The following POLRMT variants were observed in gnomAD, a reference collection of about 807,000 sequenced individuals.
POLRMT encodes DNA-directed RNA polymerase, mitochondrial.
Under a neutral mutation model 132.2 loss-of-function variants are expected in POLRMT, and 114 were observed. That is an observed-to-expected ratio of 0.86 (90% CI 0.74 to 1.01). The LOEUF (loss-of-function observed/expected upper bound fraction) is 1.01. Among genes scored for constraint, POLRMT ranks in the 50% least tolerant of loss-of-function variants. The probability of loss-of-function intolerance (pLI) is 0.00; values close to 1 mark genes in which losing one functional copy is unlikely to be tolerated. For missense variants in POLRMT, 2,003 were observed against 1,729.1 expected, an observed-to-expected ratio of 1.16 and a Z score of -2.81; for synonymous variants, 1,020 against 773.4, an observed-to-expected ratio of 1.32 and a Z score of -5.29.
intron 3 of POLRMT, among the ~76,000 whole-genome samples, chr19:628,256 C>T (rs1005284403): frequency 6.6e-6 from 1 of 152,186 alleles, no homozygotes; most frequent in Non-Finnish European, 1.5e-5. Flanking sequence ...TCGTAGGGGC[C>T]GATCCCAAAA....
At chr19:629,409 T>A (rs1985242813) in intron 3 of POLRMT, 131 bp downstream of exon 3, 1 of 1,027,496 alleles carries the variant, frequency 9.7e-7, no homozygotes. Context: ...TTGAAAAGCC[T>A]AAAAGAATTA....
intron 2 of POLRMT, 146 bp from the exon 3 acceptor site, chr19:630,314 G>A (rs918555777): frequency 6.9e-5 from 67 of 976,932 alleles, no homozygotes; most frequent in Middle Eastern, 2.8e-4. Context: ...TGCCAACAAC[G>A]TTGTAAGGTC....
At chr19:632,725 A>C in intron 2 of POLRMT, 109 bp downstream of exon 2, 1 of 900,674 alleles carries the variant, frequency 1.1e-6, no homozygotes, top group Non-Finnish European at 1.6e-6. Flanking sequence ...CTGGGACCCG[A>C]GAGGTGGAGA....
rs955684067 is a variant in POLRMT, at chr19:620,044, G to C, written c.2800C>G (p.Leu934Val). The C allele has an allele frequency of 1.6e-5, 25 of 1,554,884 alleles. No homozygotes were observed. The highest frequency in any genetic ancestry group is 5.7e-5 in the Admixed American group (3 of 52,242). Reference sequence around the variant, plus strand: ...GCGGCGCCCACGCTGTCGCGGCCCAGAGCAGCATAATGCTGCAGGCCGTTG... The same window carrying C: ...GCGGCGCCCACGCTGTCGCGGCCCACAGCAGCATAATGCTGCAGGCCGTTG... ...SCNGLQHYAA[L>V]GRDSVGAASV... is the part of the protein sequence containing the mutation. Residue 934 changes from leucine to valine, a missense_variant, in exon 12 of 21, where the codon CTG becomes GTG. Physicochemically the swap from Leu to Val is conservative, Grantham distance 32. Coordinates refer to ENST00000588649, the MANE Select transcript of POLRMT (RefSeq NM_005035.4).
At chr19:632,118 T>C (rs1331525839) in intron 2 of POLRMT, among the ~76,000 whole-genome samples, 2 of 148,464 alleles carry the variant, frequency 1.3e-5, no homozygotes, top group Non-Finnish European at 3.0e-5. Context: ...CACCCAAAAG[T>C]GCTGGGAGTA....
At chr19:618,611 G>T in intron 16 of POLRMT, 25 bp from the exon 17 acceptor site, 2 of 1,602,686 alleles carry the variant, frequency 1.2e-6, no homozygotes, top group Non-Finnish European at 1.7e-6. Flanking sequence ...GGTGCCGGTG[G>T]GGGCGGCCCA....
In POLRMT at chr19:621,864, G is replaced by T. The variant is rs1306397681; in HGVS notation, c.1852-18C>A. ...ATGCCGATCTGGGGTGCGACAGGCAGACGGGTCAGGGCCCCGGTGCTGGGG... is the reference window on the plus strand; with the variant it reads ...ATGCCGATCTGGGGTGCGACAGGCATACGGGTCAGGGCCCCGGTGCTGGGG... On this transcript the variant is annotated intron_variant, in intron 9 of 20. Coordinates refer to ENST00000588649, the MANE Select transcript of POLRMT (RefSeq NM_005035.4). 1.2e-6 allele frequency: 2 copies of T among 1,600,314 alleles called. No individual in the cohort carries two copies. The highest frequency in any genetic ancestry group is 1.7e-5 in the Admixed American group (1 of 59,944).
Position 623,470 on chromosome 19 carries a change from T to C in POLRMT, c.1274A>G (p.Lys425Arg). ...AGCCCCTACCGCGTGCTTGACCTCC[T>C]TGCTTGGCAACGTGGGCTTCTCCAC... ...VSVEKPTLPSKEVKHARKTLK... is the reference protein window; with the variant it reads ...VSVEKPTLPSREVKHARKTLK... The change falls in exon 6 of 21, where the codon AAG becomes AGG. Residue 425 changes from lysine to arginine, a missense_variant. By Grantham distance (26) the Lys-to-Arg change is conservative (BLOSUM62 2). Transcript: ENST00000588649. 6.2e-7 allele frequency: 1 copy of C among 1,612,172 alleles called. No individual in the cohort carries two copies. Among genetic ancestry groups the C allele is most frequent in the East Asian group, 2.2e-5 (1 of 44,858 alleles).
intron 1 of POLRMT, 58 bp from the exon 2 acceptor site, chr19:632,996 A>T (rs1051839106): frequency 7.8e-7 from 1 of 1,277,582 alleles, no homozygotes; most frequent in Non-Finnish European, 1.0e-6. Context: ...GGGCCTCCAT[A>T]AAGGCAGAAG....
intron 3 of POLRMT, among the ~76,000 whole-genome samples, chr19:627,238 G>A (rs907004787): frequency 6.9e-6 from 1 of 145,830 alleles, no homozygotes; most frequent in Non-Finnish European, 1.5e-5. Flanking sequence ...TGCAAGCTCT[G>A]CCTCCCAGGT....
At chr19:633,152 G>A in intron 1 of POLRMT, 2 of 590,466 alleles carry the variant, frequency 3.4e-6, no homozygotes, top group Non-Finnish European at 5.6e-6. Flanking sequence ...AGGGTTCCTC[G>A]CACTCGAGGT....
Position 621,197 on chromosome 19 carries a change from C to T in POLRMT, c.2501G>A (p.Gly834Asp). 1 of 1,610,418 alleles carries T rather than the reference C, an allele frequency of 6.2e-7. No individual in the cohort carries two copies. The highest frequency in any genetic ancestry group is 8.5e-7 in the Non-Finnish European group (1 of 1,178,506). Reference protein sequence around the residue: ...LLEFAQGRPLGPHGLDWLKIH... With the variant: ...LLEFAQGRPLDPHGLDWLKIH... ...CTTGAGCCAATCCAGGCCGTGCGGGCCGAGCGGGCGGCCCTGGGCGAACTC... is the reference window on the plus strand; with the variant it reads ...CTTGAGCCAATCCAGGCCGTGCGGGTCGAGCGGGCGGCCCTGGGCGAACTC... The change falls in exon 10 of 21, where the codon GGC becomes GAC. Residue 834 changes from glycine to aspartate, a missense_variant. Coordinates refer to ENST00000588649, the MANE Select transcript of POLRMT (RefSeq NM_005035.4).
chr19:625,092 T>C lies in POLRMT; in HGVS notation c.953+32A>G, dbSNP rs753449051. 4 of 1,600,920 alleles carry C rather than the reference T, an allele frequency of 2.5e-6. No individual in the cohort carries two copies. The Admixed American group carries it at 6.8e-5, about 27-fold the overall frequency. ...TCTTAAAACCCTGGGAGGGACATGG[T>C]GGGGGGTGGGGGCCCTCCCGACACC... On this transcript the variant is annotated intron_variant, in intron 4 of 20. Transcript: ENST00000588649.
Position 619,633 on chromosome 19 carries a change from G to T in POLRMT, c.3019C>A (p.Arg1007Ser). 6.2e-7 allele frequency: 1 copy of T among 1,610,504 alleles called. No homozygotes were observed. The highest frequency in any genetic ancestry group is 8.5e-7 in the Non-Finnish European group (1 of 1,179,610). ...CGGAGGCGCTTCTCAATCTGCAGGC[G>T]CCCGCCATAGCGCGTGACCCCGTAC... is the stretch of plus-strand genomic sequence containing the variant. ...VVYGVTRYGG[R>S]LQIEKRLREL... Residue 1007 changes from arginine (R) to serine (S), a missense_variant, in exon 13 of 21, where the codon CGC (arginine) becomes AGC (serine). Arg to Ser is a moderately radical substitution (Grantham distance 110, BLOSUM62 -1). Coordinates refer to ENST00000588649, the MANE Select transcript of POLRMT (RefSeq NM_005035.4).
chr19:622,975 A>G lies in POLRMT; in HGVS notation c.1301T>C (p.Leu434Pro). 6.2e-7 allele frequency: 1 copy of G among 1,612,538 alleles called. No homozygotes were observed. Among genetic ancestry groups the G allele is most frequent in the Non-Finnish European group, 8.5e-7 (1 of 1,179,772 alleles). Residue 434 changes from leucine to proline, a missense_variant, in exon 7 of 21, where the codon CTG (leucine) becomes CCG (proline). Transcript: ENST00000588649. ...CTCCCATTGGTCCCGCAGGGTCTTC[A>G]GGGTCTTCCGCTGCGGGGGATGAAC... Reference protein sequence around the residue: ...SKEVKHARKTLKTLRDQWEKA... With the variant: ...SKEVKHARKTPKTLRDQWEKA...
chr19:624,785 G>A lies in POLRMT; in HGVS notation c.1074C>T (p.Phe358=), dbSNP rs773514537. The A allele has an allele frequency of 3.7e-6, 6 of 1,613,592 alleles. No homozygotes were observed. The highest frequency in any genetic ancestry group is 4.5e-5 in the East Asian group (2 of 44,890). Residue 358 remains phenylalanine, a synonymous_variant, in exon 5 of 21, where the codon TTC becomes TTT. Coordinates refer to ENST00000588649, the MANE Select transcript of POLRMT (RefSeq NM_005035.4). ...LKAVHKVKPT[F]SLPPQLPPPV... The stretch of plus-strand genomic sequence containing the variant: ...GGGGCGGCAGCTGCGGCGGGAGGCT[G>A]AAGGTGGGCTTCACCTTGTGCACGG...
rs776745583 is a variant in POLRMT at position 618,527 on chromosome 19, T to A, written c.3383A>T (p.Asp1128Val). Residue 1128 changes from aspartate (D) to valine (V), a missense_variant, in exon 17 of 21, where the codon GAC becomes GTC. By Grantham distance (152) the Asp-to-Val change is radical. Coordinates refer to ENST00000588649, the MANE Select transcript of POLRMT (RefSeq NM_005035.4). ...GFPPNFIHSLDSSHMMLTALH... is the reference protein window; with the variant it reads ...GFPPNFIHSLVSSHMMLTALH... ...GGCGGTGAGCATCATGTGGGAGGAG[T>A]CCAGCGAGTGGATGAAGTTGGGCGG... The A allele has an allele frequency of 4.3e-6, 7 of 1,612,114 alleles. No individual in the cohort carries two copies. The highest frequency in any genetic ancestry group is 5.9e-6 in the Non-Finnish European group (7 of 1,179,104).
Position 623,442 on chromosome 19 carries a change from C to T in POLRMT, c.1290+12G>A, listed in dbSNP as rs766730996. ...CCCTGCGGCGGACACGGGACCCCGG[C>T]TCAGCCCCTACCGCGTGCTTGACCT... On this transcript the variant is annotated intron_variant, in intron 6 of 20. Coordinates refer to ENST00000588649, the MANE Select transcript of POLRMT (RefSeq NM_005035.4). 3.7e-6 allele frequency: 6 copies of T among 1,610,410 alleles called. No homozygotes were observed. In the African/African-American group the frequency reaches 8.0e-5, roughly 22 times the overall value.
chr19:619,482 G>A lies in POLRMT; in HGVS notation c.3066+104C>T, dbSNP rs1166861363. 8 of 1,477,962 alleles carry A rather than the reference G, an allele frequency of 5.4e-6. No homozygotes were observed. In the Admixed American group the frequency reaches 1.3e-4, roughly 23 times the overall value. The allele number at this position is 1,477,962 out of a possible 1,614,324, so 91.6% of individuals were successfully genotyped here. ...CTAACAGGCAGCCAGTGGTCTGGGG[G>A]AGCAGCCAGGGCTCCTGCTGGGAGG... On this transcript the variant is annotated intron_variant, in intron 13 of 20. Coordinates refer to ENST00000588649, the MANE Select transcript of POLRMT (RefSeq NM_005035.4).
Sources: gnomAD v4.1 joint callset for allele counts (sites outside exome capture counted in the v4.1 genomes callset) on GRCh38, gnomAD v4.1.1 for gene constraint, MANE v1.5 for transcripts, NCBI Gene and HGNC (gene_info 2026-07-23, HGNC 2026-07-21) for gene names.